BAZ2B: variants seen among roughly 807,000 people sequenced by gnomAD.
BAZ2B encodes bromodomain adjacent to zinc finger domain 2B.
BAZ2B carries 91 observed loss-of-function variants against 246.0 expected under a neutral mutation model. The ratio of observed to expected loss-of-function variants is 0.37; its 90% CI spans 0.31 to 0.44. BAZ2B has a LOEUF of 0.44. Among genes scored for constraint, BAZ2B ranks in the 20% least tolerant of loss-of-function variants. The probability of loss-of-function intolerance (pLI) is 1.00; values close to 1 mark genes in which losing one functional copy is unlikely to be tolerated. For missense variants in BAZ2B, 2,332 were observed against 2,533.7 expected (o/e 0.92, Z 1.71); for synonymous variants, 855 against 860.0 (o/e 0.99, Z 0.10).
the BAZ2B span, chr2:159,689,976 A>T: frequency 7.2e-5 from 27 of 373,652 alleles, no homozygotes; most frequent in South Asian, 9.0e-4. Flanking sequence ...ATTGTCTGCC[A>T]TTTTTTGACC....
chr2:159,661,887 AG>A, the BAZ2B span, among the ~76,000 whole-genome samples: 1 of 152,140 alleles, frequency 6.6e-6, no homozygotes, highest in African/African-American at 2.4e-5. Context: ...CTGGGACTAC[AG>A]GAGTAAGCCA....
intron 2 of BAZ2B, among the ~76,000 whole-genome samples, chr2:159,551,392 C>A (rs1301283527): frequency 6.7e-6 from 1 of 149,278 alleles, no homozygotes; most frequent in Non-Finnish European, 1.5e-5. Context: ...TGGTGTGAAC[C>A]CGGGAGGTGA....
the BAZ2B span, among the ~76,000 whole-genome samples, chr2:159,642,776 C>G: frequency 6.6e-6 from 1 of 152,144 alleles, no homozygotes; most frequent in African/African-American, 2.4e-5. Context: ...CCCTTCTTCT[C>G]CTATAAATTA....
At chr2:159,682,191 CT>C in the BAZ2B span, among the ~76,000 whole-genome samples, 444 of 111,766 alleles carry the variant, frequency 4.0e-3, 2 homozygotes, top group Middle Eastern at 0.016. Flanking sequence ...TGCTCAGGCT[CT>C]TTTTTTTTTT....
chr2:159,688,857 C>T, the BAZ2B span, among the ~76,000 whole-genome samples: 2 of 152,246 alleles, frequency 1.3e-5, no homozygotes, highest in South Asian at 2.1e-4. Context: ...TGCAGTAATA[C>T]AGCAGAAGCG....
intron 27 of BAZ2B, among the ~76,000 whole-genome samples, chr2:159,361,463 G>C (rs546977229): frequency 6.6e-6 from 1 of 152,194 alleles, no homozygotes; most frequent in Non-Finnish European, 1.5e-5. Context: ...AGATGCTGGC[G>C]AGGCTGTGGA....
chr2:159,431,068 A>G lies in BAZ2B; in HGVS notation c.1989T>C (p.Thr663=). The change falls in exon 10 of 37, where the codon ACT becomes ACC. Residue 663 remains threonine, a synonymous_variant. Transcript: ENST00000392783. ...DKDQDESDSD[T]EGEKTSMKLN... is the part of the protein sequence containing the mutation. Reference sequence around the variant, plus strand: ...GTTTCATTGAAGTTTTCTCTCCTTCAGTATCACTATCTGATTCATCTTGGT... The same window carrying G: ...GTTTCATTGAAGTTTTCTCTCCTTCGGTATCACTATCTGATTCATCTTGGT... 6.2e-7 allele frequency: 1 copy of G among 1,614,056 alleles called. No individual in the cohort carries two copies.
At chr2:159,651,075 A>C in the BAZ2B span, among the ~76,000 whole-genome samples, 1 of 152,192 alleles carries the variant, frequency 6.6e-6, no homozygotes, top group African/African-American at 2.4e-5. Flanking sequence ...AAACATTGTG[A>C]TTATAATCTC....
intron 6 of BAZ2B, among the ~76,000 whole-genome samples, chr2:159,441,656 A>T (rs1477670432): frequency 1.3e-5 from 2 of 151,798 alleles, no homozygotes; most frequent in Non-Finnish European, 2.9e-5. Context: ...AATTTAAAAC[A>T]TTTTTTTAAA....
At chr2:159,620,846 C>T (rs1030594210), upstream of BAZ2B, among the ~76,000 whole-genome samples, 2 of 152,110 alleles carry the variant, frequency 1.3e-5, no homozygotes, top group African/African-American at 4.8e-5. Flanking sequence ...TCACAAGAGC[C>T]AACAAAGGCT....
chr2:159,654,453 CAAG>C, the BAZ2B span, among the ~76,000 whole-genome samples: 2 of 151,992 alleles, frequency 1.3e-5, no homozygotes, highest in Admixed American at 6.6e-5. Context: ...AAAAAAACCC[CAAG>C]AAGGGCCAAC....
chr2:159,427,133 T>C (rs2070076347), intron 13 of BAZ2B, among the ~76,000 whole-genome samples: 1 of 152,184 alleles, frequency 6.6e-6, no homozygotes, highest in Admixed American at 6.5e-5. Context: ...TATTTTGTTA[T>C]TGTTCAGAAT....
At chr2:159,470,040 T>C (rs2077578080) in intron 3 of BAZ2B, among the ~76,000 whole-genome samples, 1 of 152,228 alleles carries the variant, frequency 6.6e-6, no homozygotes, top group African/African-American at 2.4e-5. Context: ...CAGTGCTTTA[T>C]TTCTATACTT....
At chr2:159,382,349 T>C (rs1397079704) in intron 25 of BAZ2B, among the ~76,000 whole-genome samples, 1 of 152,226 alleles carries the variant, frequency 6.6e-6, no homozygotes, top group East Asian at 1.9e-4. Context: ...TTAGTGTCTT[T>C]TATGTATAGA....
intron 3 of BAZ2B, among the ~76,000 whole-genome samples, chr2:159,456,073 T>C (rs184974237): frequency 1.9e-3 from 286 of 152,060 alleles, no homozygotes; most frequent in South Asian, 0.014. Context: ...ATTCCTAAAT[T>C]ATATCAATTA....
intron 34 of BAZ2B, among the ~76,000 whole-genome samples, chr2:159,329,136 GAAAAAAA>G (rs567964390): frequency 1.6e-4 from 12 of 73,478 alleles, no homozygotes; most frequent in South Asian, 8.4e-4. Context: ...GTCTTAATAG[GAAAAAAA>G]AAAAAAAAAA....
intron 34 of BAZ2B, among the ~76,000 whole-genome samples, chr2:159,330,061 A>T (rs545715061): frequency 6.6e-6 from 1 of 152,356 alleles, no homozygotes; most frequent in African/African-American, 2.4e-5. Flanking sequence ...GACAAAAATG[A>T]TCAATGAGAA....
intron 1 of BAZ2B, among the ~76,000 whole-genome samples, chr2:159,587,827 G>T (rs1688392148): frequency 6.6e-6 from 1 of 152,058 alleles, no homozygotes; most frequent in African/African-American, 2.4e-5. Flanking sequence ...CTAGCAAAAT[G>T]AATTACCAAT....
At chr2:159,486,365 A>T (rs1336792547) in intron 2 of BAZ2B, among the ~76,000 whole-genome samples, 1 of 152,052 alleles carries the variant, frequency 6.6e-6, no homozygotes, top group African/African-American at 2.4e-5. Context: ...AAAATAAAGC[A>T]GAGAATCAAA....
Sources: allele counts gnomAD v4.1 joint callset (sites outside exome capture counted in the v4.1 genomes callset), GRCh38; gene constraint gnomAD v4.1.1; transcripts MANE v1.5; gene names NCBI Gene and HGNC (gene_info 2026-07-23, HGNC 2026-07-21).